The following SULF2 variants were observed in gnomAD, a reference collection of about 807,000 sequenced individuals.
SULF2 encodes extracellular sulfatase Sulf-2.
Under a neutral mutation model 107.7 loss-of-function variants are expected in SULF2, and 52 were observed. The observed-to-expected ratio is 0.48, with a 90% confidence interval of 0.39 to 0.61. The LOEUF (loss-of-function observed/expected upper bound fraction) is 0.61, where lower values mean the gene tolerates loss of function less well. Ranked by LOEUF, SULF2 falls within the 20% of genes least tolerant of loss-of-function variation. The pLI, the probability that SULF2 is intolerant of heterozygous loss-of-function variation, is 0.00. For synonymous variants in SULF2, 460 were observed against 464.3 expected (o/e 0.99, Z 0.12); for missense variants, 993 against 1,177.3 (o/e 0.84, Z 2.29).
intron 4 of SULF2, among the ~76,000 whole-genome samples, chr20:47,691,496 G>A (rs181782731): frequency 4.2e-4 from 64 of 152,302 alleles, no homozygotes; most frequent in Non-Finnish European, 7.3e-4. Flanking sequence ...TTGGCCTGCG[G>A]TTTGGCCCAG....
intron 1 of SULF2, among the ~76,000 whole-genome samples, chr20:47,762,578 A>AC (rs969225074): frequency 6.6e-6 from 1 of 152,110 alleles, no homozygotes; most frequent in Admixed American, 6.5e-5. Flanking sequence ...CTCAACCAGG[A>AC]CCCCCTAGAA....
At chr20:47,659,590 G>T (rs1692739607) in intron 19 of SULF2, 107 bp downstream of exon 19, 2 of 1,356,998 alleles carry the variant, frequency 1.5e-6, no homozygotes, top group Non-Finnish European at 2.1e-6. Flanking sequence ...CAGACCAGAG[G>T]GAAGGGCAGT....
At position 47,661,770 on chromosome 20, in the gene SULF2, C is replaced by T. The variant is rs1045559484; in HGVS notation, c.2494+3G>A. 6.5e-7 allele frequency: 1 copy of T among 1,531,240 alleles called. No homozygotes were observed. The highest frequency in any genetic ancestry group is 8.9e-7 in the Non-Finnish European group (1 of 1,124,300). 94.9% of individuals were successfully genotyped at this position (1,531,240 alleles called of 1,614,324 possible). A position where few individuals can be genotyped will look rare whatever the true frequency, so the allele number is the denominator to read the frequency against. ...AGGGCCCCACGTTGGGGTGCCTACTCACCCAGGTCCATGTTTCGAGTCCGG... is the reference window on the plus strand; with the variant it reads ...AGGGCCCCACGTTGGGGTGCCTACTTACCCAGGTCCATGTTTCGAGTCCGG... On this transcript the variant is annotated splice_donor_region_variant and intron_variant, in intron 18 of 20. Transcript: ENST00000688720.
intron 11 of SULF2, among the ~76,000 whole-genome samples, chr20:47,668,829 G>T (rs560020320): frequency 6.8e-6 from 1 of 147,694 alleles, no homozygotes; most frequent in East Asian, 1.9e-4. Context: ...CATGCCCATG[G>T]TGCTTCTCAC....
intron 1 of SULF2, among the ~76,000 whole-genome samples, chr20:47,767,368 G>A (rs1225963870): frequency 2.6e-5 from 4 of 152,226 alleles, no homozygotes; most frequent in African/African-American, 9.6e-5. Flanking sequence ...TCTGAGGCCG[G>A]GTGTGGCGGC....
chr20:47,730,513 C>T (rs62201701), intron 3 of SULF2, among the ~76,000 whole-genome samples: 2,402 of 152,228 alleles, frequency 0.016, 26 homozygotes, highest in Non-Finnish European at 0.026. Context: ...TGCAGTGGTG[C>T]AATCTCGGCT....
chr20:47,740,858 A>G (rs2089861618), intron 2 of SULF2, among the ~76,000 whole-genome samples: 1 of 152,078 alleles, frequency 6.6e-6, no homozygotes, highest in South Asian at 2.1e-4. Flanking sequence ...CTCAGGTGCC[A>G]CACCCACAGC....
intron 2 of SULF2, among the ~76,000 whole-genome samples, chr20:47,741,317 G>A (rs12625503): frequency 0.089 from 13,268 of 148,792 alleles, 705 homozygotes; most frequent in South Asian, 0.2. Context: ...CTGACCAGGC[G>A]TGCTCCCATC....
At chr20:47,719,775 A>G (rs771452890) in intron 3 of SULF2, among the ~76,000 whole-genome samples, 1 of 152,174 alleles carries the variant, frequency 6.6e-6, no homozygotes, top group Non-Finnish European at 1.5e-5. Flanking sequence ...CAATGATTCA[A>G]TTCTGCCACC....
At chr20:47,775,162 G>T (rs2050235) in intron 1 of SULF2, among the ~76,000 whole-genome samples, 33,521 of 152,112 alleles carry the variant, frequency 0.22, 4,746 homozygotes, top group African/African-American at 0.4. Context: ...GCTGGCTTTG[G>T]GACCTGTTTT....
At chr20:47,679,062 C>T (rs932254683) in intron 7 of SULF2, among the ~76,000 whole-genome samples, 1 of 150,616 alleles carries the variant, frequency 6.6e-6, no homozygotes. Flanking sequence ...CCCTGTCCCC[C>T]TCCTGCCCTT....
At chr20:47,667,185 T>C (rs2087304289) in intron 11 of SULF2, among the ~76,000 whole-genome samples, 1 of 152,140 alleles carries the variant, frequency 6.6e-6, no homozygotes. Flanking sequence ...TGTAAAAATG[T>C]TGATTTAAAC....
At chr20:47,682,854 A>G (rs558328432) in intron 7 of SULF2, 140 bp downstream of exon 7, 19 of 806,422 alleles carry the variant, frequency 2.4e-5, no homozygotes, top group African/African-American at 1.9e-4. Flanking sequence ...CATGCATGAC[A>G]TAATTGCTTT....
chr20:47,671,307 T>A (rs535973121), intron 11 of SULF2, among the ~76,000 whole-genome samples: 2 of 152,368 alleles, frequency 1.3e-5, no homozygotes, highest in African/African-American at 4.8e-5. Flanking sequence ...TCAGGGTAGT[T>A]TATTTTTTAT....
At chr20:47,727,307 G>A (rs1438914618) in intron 3 of SULF2, among the ~76,000 whole-genome samples, 1 of 152,158 alleles carries the variant, frequency 6.6e-6, no homozygotes, top group African/African-American at 2.4e-5. Flanking sequence ...GACCCACAGG[G>A]AGGAGGCCGC....
At chr20:47,690,008 C>T (rs2088141233) in intron 5 of SULF2, 118 bp downstream of exon 5, 2 of 1,045,488 alleles carry the variant, frequency 1.9e-6, no homozygotes, top group South Asian at 8.7e-5. Context: ...GTCTTTAAAC[C>T]AGGAGGATTA....
intron 3 of SULF2, among the ~76,000 whole-genome samples, chr20:47,711,178 G>A (rs1341430305): frequency 1.3e-5 from 2 of 152,180 alleles, no homozygotes; most frequent in East Asian, 3.8e-4. Context: ...ATGCCGGGCC[G>A]GCGTAGGAAC....
chr20:47,665,509 G>A (rs1044347941), intron 13 of SULF2, among the ~76,000 whole-genome samples: 1 of 152,202 alleles, frequency 6.6e-6, no homozygotes, highest in African/African-American at 2.4e-5. Flanking sequence ...CCTTGCAAGG[G>A]AACCGAGTCA....
chr20:47,659,638 C>A, intron 19 of SULF2, 59 bp downstream of exon 19: 6 of 1,505,230 alleles, frequency 4.0e-6, no homozygotes, highest in Non-Finnish European at 5.5e-6. Context: ...AGAGATGAGA[C>A]TGAAGGATGG....
Sources: gnomAD v4.1 joint callset for allele counts (sites outside exome capture counted in the v4.1 genomes callset) on GRCh38, gnomAD v4.1.1 for gene constraint, MANE v1.5 for transcripts, NCBI Gene and HGNC (gene_info 2026-07-23, HGNC 2026-07-21) for gene names.